The following DIAPH3 variants were observed in gnomAD, a reference collection of about 807,000 sequenced individuals.
The protein encoded by DIAPH3 is protein diaphanous homolog 3.
DIAPH3 carries 117 observed loss-of-function variants against 144.3 expected under a neutral mutation model. The observed-to-expected ratio is 0.81, with a 90% CI of 0.70 to 0.95. The LOEUF (loss-of-function observed/expected upper bound fraction) is 0.95, where lower values mean the gene tolerates loss of function less well. DIAPH3 is among the 40% of genes least tolerant of loss of function. The pLI, the probability that DIAPH3 is intolerant of heterozygous loss-of-function variation, is 0.00. For missense variants in DIAPH3, 1,421 were observed against 1,412.7 expected (o/e 1.01, Z -0.09); for synonymous variants, 519 against 488.9 (o/e 1.06, Z -0.81).
intron 3 of DIAPH3, among the ~76,000 whole-genome samples, chr13:60,109,983 C>T (rs968867335): frequency 6.6e-6 from 1 of 152,124 alleles, no homozygotes; most frequent in Admixed American, 6.5e-5. Context: ...AATTCAACAC[C>T]ACTTTTAAGA....
chr13:59,966,266 T>TG (rs1435275620), intron 17 of DIAPH3, among the ~76,000 whole-genome samples: 5 of 151,146 alleles, frequency 3.3e-5, no homozygotes, highest in Non-Finnish European at 7.4e-5. Flanking sequence ...AAGATCTAAT[T>TG]GGAAAAAAAA....
chr13:59,871,082 C>A lies in DIAPH3; in HGVS notation c.2607+8147G>T, dbSNP rs1409419399. Among the ~76,000 whole-genome samples the A allele has an allele frequency of 4.0e-5, 6 of 151,678 alleles. No individual in the cohort carries two copies. The East Asian group carries it at 7.8e-4, about 20-fold the overall frequency. On this transcript the variant is annotated intron_variant, in intron 21 of 27. Coordinates refer to ENST00000400324, the MANE Select transcript of DIAPH3 (RefSeq NM_001042517.2). ...TTTTAAATTTCCAATTCCAATTGTT[C>A]ATTGCTGGCATACAGGAAACCACTG... is the stretch of plus-strand genomic sequence containing the variant.
chr13:59,674,840 T>C (rs894642810), intron 27 of DIAPH3, among the ~76,000 whole-genome samples: 1 of 152,204 alleles, frequency 6.6e-6, no homozygotes, highest in Non-Finnish European at 1.5e-5. Flanking sequence ...CTCAGACTAC[T>C]AAGCACTTGT....
chr13:59,774,270 T>C (rs1336254784), intron 26 of DIAPH3, 22 bp from the exon 27 acceptor site: 1 of 1,581,086 alleles, frequency 6.3e-7, no homozygotes, highest in Admixed American at 1.7e-5. Context: ...AAAAATAAAA[T>C]AAACTTAATA....
intron 2 of DIAPH3, among the ~76,000 whole-genome samples, chr13:60,123,251 AAAC>A (rs1315929055): frequency 6.6e-6 from 1 of 152,148 alleles, no homozygotes; most frequent in African/African-American, 2.4e-5. Flanking sequence ...TATCACACTA[AAAC>A]TACTGATTGT....
intron 9 of DIAPH3, among the ~76,000 whole-genome samples, chr13:60,003,933 A>G (rs1335906703): frequency 5.3e-5 from 8 of 152,136 alleles, no homozygotes; most frequent in Admixed American, 5.2e-4. Context: ...TACAAAGTTT[A>G]ACATTTTCTT....
At chr13:60,056,824 T>C (rs2056577707) in intron 4 of DIAPH3, among the ~76,000 whole-genome samples, 1 of 151,898 alleles carries the variant, frequency 6.6e-6, no homozygotes, top group Admixed American at 6.6e-5. Flanking sequence ...TTAAACCATA[T>C]GAAGTTTCCT....
intron 22 of DIAPH3, among the ~76,000 whole-genome samples, chr13:59,842,911 G>GC (rs1259623940): frequency 5.9e-5 from 9 of 152,074 alleles, no homozygotes; most frequent in Admixed American, 5.9e-4. Context: ...CAACCCAGAA[G>GC]CTCCCCCAAC....
intron 9 of DIAPH3, among the ~76,000 whole-genome samples, chr13:60,002,646 A>C (rs2052593656): frequency 6.6e-6 from 1 of 152,166 alleles, no homozygotes; most frequent in Non-Finnish European, 1.5e-5. Flanking sequence ...TCCCATCAGC[A>C]ACTTCATGGG....
At chr13:59,889,389 T>C (rs2045650408) in intron 20 of DIAPH3, among the ~76,000 whole-genome samples, 1 of 152,114 alleles carries the variant, frequency 6.6e-6, no homozygotes, top group South Asian at 2.1e-4. Flanking sequence ...CAATATACTA[T>C]TAAACCCACA....
chr13:59,733,956 A>AG (rs1243909215), intron 27 of DIAPH3, among the ~76,000 whole-genome samples: 1 of 152,238 alleles, frequency 6.6e-6, no homozygotes, highest in Admixed American at 6.5e-5. Flanking sequence ...GTCATCACAT[A>AG]TACACACCCT....
chr13:60,137,899 T>C (rs1332788897), intron 1 of DIAPH3, among the ~76,000 whole-genome samples: 2 of 152,004 alleles, frequency 1.3e-5, no homozygotes, highest in African/African-American at 4.8e-5. Context: ...AATTTTTGTA[T>C]TTTTAGTGGA....
At chr13:59,803,442 T>C (rs2040041889) in intron 25 of DIAPH3, among the ~76,000 whole-genome samples, 1 of 152,166 alleles carries the variant, frequency 6.6e-6, no homozygotes, top group Non-Finnish European at 1.5e-5. Flanking sequence ...AAATACCATA[T>C]TATAATAATA....
rs1269006342 is a variant in DIAPH3 at position 59,970,965 on chromosome 13, G to A, written c.1846C>T (p.Leu616=). The A allele has an allele frequency of 6.2e-7, 1 of 1,613,934 alleles. No individual in the cohort carries two copies. Among genetic ancestry groups the A allele is most frequent in the South Asian group, 1.1e-5 (1 of 91,066 alleles). The change falls in exon 16 of 28, where the codon CTG becomes TTG. Residue 616 remains leucine (L), a synonymous_variant. Transcript: ENST00000400324. ...GAATTTTGTCCTCCAAGGAATCCCA[G>A]GGGAGGTGGTGGAGGCACAGGACCA... ...FSGPVPPPPP[L]GFLGGQNSPP...
intron 27 of DIAPH3, among the ~76,000 whole-genome samples, chr13:59,685,639 C>T (rs181955216): frequency 1.3e-5 from 2 of 152,186 alleles, no homozygotes; most frequent in Admixed American, 6.6e-5. Flanking sequence ...TCAAGGGGTA[C>T]TCTGTCATCG....
intron 15 of DIAPH3, among the ~76,000 whole-genome samples, chr13:59,973,976 G>A (rs2050529532): frequency 6.6e-6 from 1 of 152,028 alleles, no homozygotes; most frequent in Non-Finnish European, 1.5e-5. Flanking sequence ...TACTGCAAGG[G>A]ACCCCTAGGC....
intron 22 of DIAPH3, among the ~76,000 whole-genome samples, chr13:59,842,426 TTC>T (rs1236783963): frequency 3.3e-5 from 5 of 152,148 alleles, no homozygotes; most frequent in Non-Finnish European, 7.3e-5. Context: ...GTTTGATTTT[TTC>T]TCTGACACCA....
intron 20 of DIAPH3, among the ~76,000 whole-genome samples, chr13:59,896,862 C>A (rs757050484): frequency 6.6e-6 from 1 of 151,968 alleles, no homozygotes; most frequent in Admixed American, 6.6e-5. Flanking sequence ...AATAAATAAC[C>A]CAGCACTGTG....
intron 25 of DIAPH3, among the ~76,000 whole-genome samples, chr13:59,802,170 T>C (rs781226494): frequency 1.3e-5 from 2 of 152,206 alleles, no homozygotes; most frequent in African/African-American, 2.4e-5. Context: ...TTGAAAGATA[T>C]ACAAACAATA....
Sources: allele counts gnomAD v4.1 joint callset (sites outside exome capture counted in the v4.1 genomes callset), GRCh38; gene constraint gnomAD v4.1.1; transcripts MANE v1.5; gene names NCBI Gene and HGNC (gene_info 2026-07-23, HGNC 2026-07-21).